Variants in NLRP9 observed in about 807,000 individuals in gnomAD.
NLRP9 encodes NLR family pyrin domain containing 9, also known as NACHT, LRR and PYD domains-containing protein 9.
A neutral mutation model predicts 83.1 loss-of-function variants in NLRP9; 88 were observed. The observed-to-expected ratio is 1.06, with a 90% CI of 0.89 to 1.26. The LOEUF is 1.26. Among genes scored for constraint, NLRP9 ranks in the 50% most tolerant of loss-of-function variants. NLRP9 has a pLI of 0.00. For synonymous variants in NLRP9, 521 were observed against 447.6 expected (o/e 1.16, Z -2.07); for missense variants, 1,308 against 1,179.3 (o/e 1.11, Z -1.60).
chr19:55,732,228 C>T lies in NLRP9; in HGVS notation c.1603G>A (p.Ala535Thr), dbSNP rs757675888. 2.5e-6 allele frequency: 4 copies of T among 1,614,010 alleles called. No individual in the cohort carries two copies. The highest frequency in any genetic ancestry group is 3.4e-6 in the Non-Finnish European group (4 of 1,179,886). Reference sequence around the variant, plus strand: ...TGGAAAGCTATGGCTTCCCTATCAGCTTCACATTGACTTAAACTTTCAAGG... The same window carrying T: ...TGGAAAGCTATGGCTTCCCTATCAGTTTCACATTGACTTAAACTTTCAAGG... ...QCLESLSQCEADREAIAFQEL... is the reference protein window; with the variant it reads ...QCLESLSQCETDREAIAFQEL... Residue 535 changes from alanine (A) to threonine (T), a missense_variant, in exon 2 of 9, where the codon GCT (alanine) becomes ACT (threonine). Transcript: ENST00000332836.
At chr19:55,734,363 C>CAAAAAAAAAAAAAAA (rs59545375) in intron 1 of NLRP9, among the ~76,000 whole-genome samples, 1 of 76,696 alleles carries the variant, frequency 1.3e-5, no homozygotes, top group Non-Finnish European at 2.4e-5. Context: ...CACTCTATCT[C>CAAAAAAAAAAAAAAA]AAAAAAAAAA....
intron 4 of NLRP9, among the ~76,000 whole-genome samples, chr19:55,718,210 C>T (rs923410347): frequency 6.6e-6 from 1 of 152,164 alleles, no homozygotes; most frequent in Non-Finnish European, 1.5e-5. Context: ...GACCTCTGCC[C>T]GAGAAAGCCT....
Position 55,732,477 on chromosome 19 carries a change from A to G in NLRP9, c.1354T>C (p.Cys452Arg), listed in dbSNP as rs745802871. Residue 452 changes from cysteine to arginine, a missense_variant, in exon 2 of 9, where the codon TGT becomes CGT. By Grantham distance (180) the Cys-to-Arg change is radical. Transcript: ENST00000332836. ...TTGAGCAAATAAAACATGGCGGCAC[A>G]AAACTCTTGGATACACAGATGCATG... ...AFMHLCIQEF[C>R]AAMFYLLKRP... is the part of the protein sequence containing the mutation. 2.5e-6 allele frequency: 4 copies of G among 1,614,250 alleles called. No homozygotes were observed. Among genetic ancestry groups the G allele is most frequent in the Non-Finnish European group, 1.7e-6 (2 of 1,180,042 alleles).
chr19:55,732,612 T>A lies in NLRP9; in HGVS notation c.1219A>T (p.Thr407Ser). The A allele has an allele frequency of 6.2e-7, 1 of 1,614,218 alleles. No homozygotes were observed. The highest frequency in any genetic ancestry group is 8.5e-7 in the Non-Finnish European group (1 of 1,180,036). Residue 407 changes from threonine to serine, a missense_variant, in exon 2 of 9, where the codon ACA (threonine) becomes TCA (serine). Coordinates refer to ENST00000332836, the MANE Select transcript of NLRP9 (RefSeq NM_176820.4). Reference sequence around the variant, plus strand: ...AGATCCCCATGGGAAAATACAAATGTATATGTCCAAATTCCCTCTGCAGCC... The same window carrying A: ...AGATCCCCATGGGAAAATACAAATGAATATGTCCAAATTCCCTCTGCAGCC... ...ALAAEGIWTY[T>S]FVFSHGDLRR...
chr19:55,708,743 T>G lies in NLRP9; in HGVS notation c.*169A>C, dbSNP rs1277428330. 1 of 499,142 alleles carries G rather than the reference T, an allele frequency of 2.0e-6. No homozygotes were observed. The highest frequency in any genetic ancestry group is 3.6e-6 in the Non-Finnish European group (1 of 281,212). The allele number at this position is 499,142 out of a possible 1,614,324, so 30.9% of individuals were successfully genotyped here. On this transcript the variant is annotated 3_prime_UTR_variant, in exon 9 of 9. Coordinates refer to ENST00000332836, the MANE Select transcript of NLRP9 (RefSeq NM_176820.4). ...AGGACCGAGGCAAAGACAATCAGCA[T>G]GTACACTGAATCACACTCCATAATC...
chr19:55,735,355 A>AG (rs398121097), intron 1 of NLRP9, among the ~76,000 whole-genome samples: 1 of 52,362 alleles, frequency 1.9e-5, no homozygotes, highest in Admixed American at 1.7e-4. Context: ...GGGAGTGCTG[A>AG]GGCAGGAGGA....
At chr19:55,723,727 C>CAAAAA (rs10711721) in intron 4 of NLRP9, among the ~76,000 whole-genome samples, 71 of 79,790 alleles carry the variant, frequency 8.9e-4, no homozygotes, top group African/African-American at 1.3e-3. Context: ...GACCCTGTCT[C>CAAAAA]AAAAAAAAAA....
rs780677562 is a variant in NLRP9, at chr19:55,732,780, G to C, written c.1051C>G (p.Leu351Val). The C allele has an allele frequency of 6.2e-7, 1 of 1,614,080 alleles. No individual in the cohort carries two copies. Among genetic ancestry groups the C allele is most frequent in the South Asian group, 1.1e-5 (1 of 91,074 alleles). The change falls in exon 2 of 9, where the codon CTA (leucine) becomes GTA (valine). Residue 351 changes from leucine to valine, a missense_variant. Leu to Val is a conservative substitution (Grantham distance 32). Transcript: ENST00000332836. ...ATTTCAAGGTCTTCTCCCCTCTCTA[G>C]CCTCTGTTTCACACAAGTACAGACC... ...WLVCTCVKQRLERGEDLEINS... is the reference protein window; with the variant it reads ...WLVCTCVKQRVERGEDLEINS...
chr19:55,717,822 A>G (rs1378387088), intron 4 of NLRP9, among the ~76,000 whole-genome samples: 1 of 152,190 alleles, frequency 6.6e-6, no homozygotes, highest in Non-Finnish European at 1.5e-5. Context: ...AAATCCTACA[A>G]GAATGTGGTT....
In NLRP9 at chr19:55,729,318, G is replaced by A. The variant is rs1338370737; in HGVS notation, c.1994+513C>T. 7.3e-5 allele frequency among the ~76,000 whole-genome samples: 11 copies of A among 150,970 alleles called. No homozygotes were observed. The South Asian group carries it at 1.7e-3, about 23-fold the overall frequency. ...TGTTACTTATGTATACATGTGCCATGTTGGTGTGCTGCACCCATTAACTCG... is the reference window on the plus strand; with the variant it reads ...TGTTACTTATGTATACATGTGCCATATTGGTGTGCTGCACCCATTAACTCG... On this transcript the variant is annotated intron_variant, in intron 3 of 8. Coordinates refer to ENST00000332836, the MANE Select transcript of NLRP9 (RefSeq NM_176820.4).
At position 55,712,566 on chromosome 19, in the gene NLRP9, G is replaced by T; in HGVS notation, c.2526C>A (p.Ser842=). 1.2e-6 allele frequency: 2 copies of T among 1,612,300 alleles called. No homozygotes were observed. The highest frequency in any genetic ancestry group is 2.2e-5 in the East Asian group (1 of 44,754). The change falls in exon 7 of 9, where the codon TCC becomes TCA. Residue 842 remains serine (S), a synonymous_variant. Coordinates refer to ENST00000332836, the MANE Select transcript of NLRP9 (RefSeq NM_176820.4). ...ELWLMGCFLT[S]DSCKDIAAVL... ...CAGCAGCAATGTCCTTACAGGAATC[G>T]GAAGTAAGGAAACAGCCCATCAACC...
rs1368291452 is a variant in NLRP9, at chr19:55,711,907, GC to G, written c.2735del (p.Cys912SerfsTer4). 3.1e-6 allele frequency: 5 copies of G among 1,613,162 alleles called. No homozygotes were observed. Among genetic ancestry groups the G allele is most frequent in the Non-Finnish European group, 4.2e-6 (5 of 1,179,976 alleles). ...CGAGGTTCAGGCTCCTCAGTGTTTT[GC>G]AGGCGATGAGTGCTGCGGCGATGTC... Reference protein sequence around the residue: ...CDDIAAALIACKTLRSLNLDW... With the variant: ...CDDIAAALIAXKTLRSLNLDW... On this transcript the variant is annotated frameshift_variant, in exon 8 of 9. Coordinates refer to ENST00000332836, the MANE Select transcript of NLRP9 (RefSeq NM_176820.4). LOFTEE classifies it high-confidence loss of function.
intron 1 of NLRP9, among the ~76,000 whole-genome samples, chr19:55,736,654 T>A (rs1988793116): frequency 6.6e-6 from 1 of 151,662 alleles, no homozygotes; most frequent in Non-Finnish European, 1.5e-5. Flanking sequence ...ACCAACATGG[T>A]GATACCCCGT....
Position 55,732,580 on chromosome 19 carries a change from C to T in NLRP9, c.1251G>A (p.Arg417=). The change falls in exon 2 of 9, where the codon AGG becomes AGA. Residue 417 remains arginine, a synonymous_variant. Coordinates refer to ENST00000332836, the MANE Select transcript of NLRP9 (RefSeq NM_176820.4). ...TFVFSHGDLR[R]NGLSESEGVM... ...CGCCCTCAGACTCAGATAACCCATTCCTCCGGAGATCCCCATGGGAAAATA... is the reference window on the plus strand; with the variant it reads ...CGCCCTCAGACTCAGATAACCCATTTCTCCGGAGATCCCCATGGGAAAATA... The T allele has an allele frequency of 6.2e-7, 1 of 1,614,222 alleles. No homozygotes were observed. Among genetic ancestry groups the T allele is most frequent in the Non-Finnish European group, 8.5e-7 (1 of 1,180,038 alleles).
chr19:55,709,840 A>G (rs1034739769), intron 8 of NLRP9: 9 of 152,244 alleles, frequency 5.9e-5, no homozygotes, highest in Admixed American at 4.6e-4. Flanking sequence ...AGGAAAATAT[A>G]AAAAATAAGT....
chr19:55,710,747 A>G (rs962736483), intron 8 of NLRP9, among the ~76,000 whole-genome samples: 2 of 152,170 alleles, frequency 1.3e-5, no homozygotes, highest in African/African-American at 4.8e-5. Flanking sequence ...TGCTTCTTGT[A>G]CAGCCTGCAG....
At position 55,708,911 on chromosome 19, in the gene NLRP9, A is replaced by C; in HGVS notation, c.*1T>G. 2.6e-6 allele frequency: 4 copies of C among 1,540,682 alleles called. No individual in the cohort carries two copies. Among genetic ancestry groups the C allele is most frequent in the Non-Finnish European group, 3.5e-6 (4 of 1,153,018 alleles). ...AGACGACTACTTCAGGGTGTTCCCCATCAGAGGAGCACACCCCTGATCTTG... is the reference window on the plus strand; with the variant it reads ...AGACGACTACTTCAGGGTGTTCCCCCTCAGAGGAGCACACCCCTGATCTTG... On this transcript the variant is annotated 3_prime_UTR_variant, in exon 9 of 9. Transcript: ENST00000332836.
intron 8 of NLRP9, among the ~76,000 whole-genome samples, chr19:55,711,110 A>AAAC (rs1555793661): frequency 3.0e-4 from 45 of 149,950 alleles, no homozygotes; most frequent in South Asian, 8.4e-4. Flanking sequence ...AAACAAAACA[A>AAAC]AAAAAAAACC....
At chr19:55,736,178 T>A (rs1988779450) in intron 1 of NLRP9, among the ~76,000 whole-genome samples, 1 of 151,384 alleles carries the variant, frequency 6.6e-6, no homozygotes, top group Admixed American at 6.6e-5. Context: ...GATCATGAGG[T>A]CAGGAGATCG....
Sources: allele counts gnomAD v4.1 joint callset (sites outside exome capture counted in the v4.1 genomes callset), GRCh38; gene constraint gnomAD v4.1.1; transcripts MANE v1.5; gene names NCBI Gene and HGNC (gene_info 2026-07-23, HGNC 2026-07-21).